The following ANO10 variants were observed in gnomAD, a reference collection of about 807,000 sequenced individuals.
The protein encoded by ANO10 is anoctamin-10.
A neutral mutation model predicts 74.7 loss-of-function variants in ANO10; 77 were observed. The ratio of observed to expected loss-of-function variants is 1.03; its 90% CI spans 0.86 to 1.25. The LOEUF is 1.25. Among genes scored for constraint, ANO10 ranks in the 50% most tolerant of loss-of-function variants. ANO10 has a pLI of 0.00. For missense variants in ANO10, 721 were observed against 778.1 expected, an observed-to-expected ratio of 0.93 and a Z score of 0.87; for synonymous variants, 279 against 284.9, an observed-to-expected ratio of 0.98 and a Z score of 0.21.
At chr3:43,402,385 C>T (rs181752208) in intron 12 of ANO10, among the ~76,000 whole-genome samples, 141 of 152,244 alleles carry the variant, frequency 9.3e-4, no homozygotes, top group Middle Eastern at 3.4e-3. Flanking sequence ...TTTATCATTC[C>T]CATGTTTCTT....
chr3:43,659,792 C>A (rs1223917519), intron 1 of ANO10, among the ~76,000 whole-genome samples: 1 of 152,196 alleles, frequency 6.6e-6, no homozygotes. Flanking sequence ...GTCCCTGACC[C>A]CCATGTAGCC....
At chr3:43,534,653 G>T (rs990581227) in intron 11 of ANO10, among the ~76,000 whole-genome samples, 6 of 152,180 alleles carry the variant, frequency 3.9e-5, no homozygotes, top group Non-Finnish European at 7.3e-5. Context: ...CTGCAGAAAA[G>T]TCCTGCACCC....
chr3:43,528,796 A>C (rs1575349859), intron 11 of ANO10, among the ~76,000 whole-genome samples: 1 of 151,866 alleles, frequency 6.6e-6, no homozygotes, highest in Non-Finnish European at 1.5e-5. Flanking sequence ...CCATCTCTAC[A>C]AAAAATACAA....
At chr3:43,570,493 T>C (rs1318564409) in intron 7 of ANO10, among the ~76,000 whole-genome samples, 3 of 152,156 alleles carry the variant, frequency 2.0e-5, no homozygotes, top group East Asian at 1.9e-4. Flanking sequence ...GAGATATAGA[T>C]CAATGGAACA....
At chr3:43,504,449 A>T (rs2077219634) in intron 11 of ANO10, among the ~76,000 whole-genome samples, 1 of 152,174 alleles carries the variant, frequency 6.6e-6, no homozygotes, top group East Asian at 1.9e-4. Flanking sequence ...CTGCTAAGAA[A>T]TGTAAATAAC....
chr3:43,558,979 T>C (rs557419208), intron 9 of ANO10, among the ~76,000 whole-genome samples: 5 of 152,318 alleles, frequency 3.3e-5, no homozygotes, highest in South Asian at 4.1e-4. Flanking sequence ...GAAATCAATA[T>C]ATTATTTCCT....
At chr3:43,380,665 C>T (rs1301745806) in intron 12 of ANO10, among the ~76,000 whole-genome samples, 1 of 152,154 alleles carries the variant, frequency 6.6e-6, no homozygotes, top group Non-Finnish European at 1.5e-5. Context: ...ACTACCAAGC[C>T]AGCACTATAA....
chr3:43,512,111 A>G (rs1359542093), intron 11 of ANO10, among the ~76,000 whole-genome samples: 1 of 152,154 alleles, frequency 6.6e-6, no homozygotes, highest in East Asian at 1.9e-4. Context: ...CAGGACAAGT[A>G]CCAGATGCAG....
At chr3:43,641,785 T>C (rs889659990) in intron 1 of ANO10, among the ~76,000 whole-genome samples, 1 of 152,152 alleles carries the variant, frequency 6.6e-6, no homozygotes, top group African/African-American at 2.4e-5. Context: ...CTCCTCCAAG[T>C]TTTGTTTCAT....
At chr3:43,618,305 C>T (rs565493308) in intron 1 of ANO10, among the ~76,000 whole-genome samples, 5 of 152,244 alleles carry the variant, frequency 3.3e-5, no homozygotes, top group South Asian at 2.1e-4. Context: ...CAGCCCAGGC[C>T]GGATTAGATG....
Position 43,555,425 on chromosome 3 carries a change from A to G in ANO10, c.1521T>C (p.Tyr507=), listed in dbSNP as rs200123518. The G allele has an allele frequency of 2.8e-5, 46 of 1,614,212 alleles. No individual in the cohort carries two copies. The African/African-American group carries it at 4.8e-4, about 17-fold the overall frequency. ...DYLELFLQFG[Y]VSLFSCVYPL... ...GGTAAACACAGGAGAAAAGGCTCAC[A>G]TAACCAAACTGCAGGAATAACTCCA... The change falls in exon 10 of 13, where the codon TAT becomes TAC. Residue 507 remains tyrosine, a synonymous_variant. Coordinates refer to ENST00000292246, the MANE Select transcript of ANO10 (RefSeq NM_018075.5).
chr3:43,408,081 T>C (rs1288675612), intron 12 of ANO10, among the ~76,000 whole-genome samples: 2 of 152,202 alleles, frequency 1.3e-5, no homozygotes, highest in Non-Finnish European at 1.5e-5. Flanking sequence ...AGGGTTGTGG[T>C]AGGAGTCCAG....
chr3:43,547,755 G>A (rs367949338), intron 11 of ANO10, among the ~76,000 whole-genome samples: 1 of 152,096 alleles, frequency 6.6e-6, no homozygotes, highest in African/African-American at 2.4e-5. Flanking sequence ...TAAGTCTCCC[G>A]AATTAAGTAA....
intron 1 of ANO10, among the ~76,000 whole-genome samples, chr3:43,618,936 GA>G (rs1215527217): frequency 6.6e-6 from 1 of 152,140 alleles, no homozygotes; most frequent in Non-Finnish European, 1.5e-5. Flanking sequence ...CGAGTAGCTG[GA>G]ACTACAGGCA....
At chr3:43,648,919 C>T (rs1196943377) in intron 1 of ANO10, among the ~76,000 whole-genome samples, 22 of 152,106 alleles carry the variant, frequency 1.4e-4, no homozygotes, top group African/African-American at 5.3e-4. Context: ...CCTCGTGATC[C>T]GCCCATCTTG....
intron 11 of ANO10, among the ~76,000 whole-genome samples, chr3:43,436,189 C>G (rs2093064195): frequency 6.6e-6 from 1 of 152,078 alleles, no homozygotes; most frequent in South Asian, 2.1e-4. Context: ...CATACAGCCA[C>G]TCTGTTTCAA....
At chr3:43,387,656 T>C (rs1002323423) in intron 12 of ANO10, among the ~76,000 whole-genome samples, 2 of 152,206 alleles carry the variant, frequency 1.3e-5, no homozygotes, top group African/African-American at 4.8e-5. Flanking sequence ...ATAAACACTG[T>C]GGTTCTCAGT....
At chr3:43,439,214 G>C (rs2093122316) in intron 11 of ANO10, among the ~76,000 whole-genome samples, 1 of 151,716 alleles carries the variant, frequency 6.6e-6, no homozygotes, top group Non-Finnish European at 1.5e-5. Context: ...TTGGGGGCCA[G>C]AAGAGAACAA....
At chr3:43,570,708 T>A (rs1179349984) in intron 7 of ANO10, among the ~76,000 whole-genome samples, 2 of 144,418 alleles carry the variant, frequency 1.4e-5, no homozygotes, top group African/African-American at 2.6e-5. Flanking sequence ...GACTTAAACG[T>A]TAGACCTAAA....
Sources: allele counts gnomAD v4.1 joint callset (sites outside exome capture counted in the v4.1 genomes callset), GRCh38; gene constraint gnomAD v4.1.1; transcripts MANE v1.5; gene names NCBI Gene and HGNC (gene_info 2026-07-23, HGNC 2026-07-21).